SNX10: variants seen among roughly 807,000 people sequenced by gnomAD.
SNX10 encodes sorting nexin-10.
In SNX10, 25 loss-of-function variants were observed where a neutral mutation model predicts 28.5. That is an observed-to-expected ratio of 0.88 (90% CI 0.64 to 1.22). The LOEUF is 1.22. Among genes scored for constraint, SNX10 ranks in the 50% most tolerant of loss-of-function variants. The pLI is 0.00. For synonymous variants in SNX10, 62 were observed against 81.4 expected (o/e 0.76, Z 1.28); for missense variants, 223 against 242.6 (o/e 0.92, Z 0.54).
At chr7:26,353,912 C>A (rs1036613400) in intron 2 of SNX10, 6 of 152,134 alleles carry the variant, frequency 3.9e-5, no homozygotes, top group Non-Finnish European at 8.8e-5. Context: ...AGAAAAAGAA[C>A]AAACTGAGAC....
chr7:26,371,574 G>T (rs1789536352), intron 5 of SNX10, among the ~76,000 whole-genome samples: 1 of 152,204 alleles, frequency 6.6e-6, no homozygotes, highest in East Asian at 1.9e-4. Context: ...AAATGTCCTT[G>T]AAGTTATTCT....
intron 1 of SNX10, among the ~76,000 whole-genome samples, chr7:26,314,891 G>A (rs1422779414): frequency 2.6e-5 from 4 of 152,082 alleles, no homozygotes; most frequent in East Asian, 1.9e-4. Flanking sequence ...CCAGCTACTC[G>A]GGAGGCTGAG....
intron 1 of SNX10, among the ~76,000 whole-genome samples, chr7:26,313,547 G>A (rs1344209484): frequency 6.6e-6 from 1 of 152,192 alleles, no homozygotes; most frequent in Admixed American, 6.5e-5. Flanking sequence ...TGCCTTTAAA[G>A]GCTGCCTGTT....
intron 1 of SNX10, among the ~76,000 whole-genome samples, chr7:26,334,876 T>C (rs1462015160): frequency 6.6e-6 from 1 of 152,242 alleles, no homozygotes; most frequent in Non-Finnish European, 1.5e-5. Context: ...AATCTGGGAC[T>C]GAGGGAGACA....
chr7:26,311,804 A>G (rs1361361448), intron 1 of SNX10, among the ~76,000 whole-genome samples: 1 of 151,534 alleles, frequency 6.6e-6, no homozygotes, highest in Admixed American at 6.6e-5. Context: ...TTTGGAATAG[A>G]AAAGTTATTT....
At chr7:26,296,973 C>T (rs1421858631) in intron 1 of SNX10, among the ~76,000 whole-genome samples, 2 of 152,186 alleles carry the variant, frequency 1.3e-5, no homozygotes, top group African/African-American at 4.8e-5. Flanking sequence ...AATTGCCTCT[C>T]AATTTGGAAA....
intron 1 of SNX10, among the ~76,000 whole-genome samples, chr7:26,304,192 C>T (rs1365767068): frequency 6.6e-6 from 1 of 152,170 alleles, no homozygotes; most frequent in Non-Finnish European, 1.5e-5. Context: ...ACCCCAGCAC[C>T]GTCTCCTCCA....
intron 1 of SNX10, among the ~76,000 whole-genome samples, chr7:26,334,256 A>T (rs1787842995): frequency 1.3e-5 from 2 of 152,224 alleles, no homozygotes; most frequent in Non-Finnish European, 2.9e-5. Context: ...ATGTGTAATG[A>T]TCAGATCAGG....
At chr7:26,330,368 G>A (rs1374529626) in intron 1 of SNX10, among the ~76,000 whole-genome samples, 1 of 152,110 alleles carries the variant, frequency 6.6e-6, no homozygotes, top group Non-Finnish European at 1.5e-5. Context: ...TTATTGTCTG[G>A]AGATAACAGT....
chr7:26,299,201 A>C (rs1474924343), intron 1 of SNX10, among the ~76,000 whole-genome samples: 3 of 147,396 alleles, frequency 2.0e-5, no homozygotes, highest in Non-Finnish European at 3.0e-5. Context: ...GATTTCAGCA[A>C]TTTTTTTTTT....
At chr7:26,328,444 G>A (rs529689602) in intron 1 of SNX10, among the ~76,000 whole-genome samples, 2 of 152,190 alleles carry the variant, frequency 1.3e-5, no homozygotes, top group Non-Finnish European at 2.9e-5. Flanking sequence ...TGAAGAGACC[G>A]CTAGGAGGTG....
intron 1 of SNX10, among the ~76,000 whole-genome samples, chr7:26,300,756 T>C (rs1215668721): frequency 1.3e-5 from 2 of 152,176 alleles, no homozygotes; most frequent in Non-Finnish European, 2.9e-5. Flanking sequence ...ACCGTGTCTC[T>C]CACTGTAATC....
chr7:26,350,533 A>G (rs1386991976), intron 2 of SNX10, among the ~76,000 whole-genome samples: 3 of 152,192 alleles, frequency 2.0e-5, no homozygotes, highest in Non-Finnish European at 4.4e-5. Flanking sequence ...GGAACTGATG[A>G]ATACCTTTAA....
At chr7:26,292,338 T>G (rs1785956867) in intron 1 of SNX10, among the ~76,000 whole-genome samples, 1 of 152,128 alleles carries the variant, frequency 6.6e-6, no homozygotes, top group Admixed American at 6.5e-5. Flanking sequence ...CAGGGATTCT[T>G]GGCTAAAAAG....
intron 1 of SNX10, among the ~76,000 whole-genome samples, chr7:26,294,160 G>C (rs1786025397): frequency 6.6e-6 from 1 of 152,222 alleles, no homozygotes; most frequent in South Asian, 2.1e-4. Flanking sequence ...GCTCATGGTT[G>C]ACTCTGTGGG....
chr7:26,326,968 T>G (rs1185022222), intron 1 of SNX10, among the ~76,000 whole-genome samples: 4 of 124,864 alleles, frequency 3.2e-5, no homozygotes, highest in Admixed American at 7.8e-5. Flanking sequence ...TTTTTTTTTT[T>G]GAGACGGAGT....
chr7:26,312,791 A>T (rs1786901324), intron 1 of SNX10, among the ~76,000 whole-genome samples: 1 of 152,236 alleles, frequency 6.6e-6, no homozygotes, highest in Admixed American at 6.5e-5. Flanking sequence ...CTCAAAAAAA[A>T]GAAAATAGTG....
chr7:26,298,329 A>C (rs544391726), intron 1 of SNX10, among the ~76,000 whole-genome samples: 38 of 152,350 alleles, frequency 2.5e-4, no homozygotes, highest in Admixed American at 9.8e-4. Flanking sequence ...AATATGGGCA[A>C]AGGCTATTCA....
chr7:26,325,999 A>C (rs1787490501), intron 1 of SNX10, among the ~76,000 whole-genome samples: 1 of 152,126 alleles, frequency 6.6e-6, no homozygotes, highest in African/African-American at 2.4e-5. Flanking sequence ...AAGTGATGAG[A>C]TTGCAGGCAT....
Sources: allele counts gnomAD v4.1 joint callset (sites outside exome capture counted in the v4.1 genomes callset), GRCh38; gene constraint gnomAD v4.1.1; transcripts MANE v1.5; gene names NCBI Gene and HGNC (gene_info 2026-07-23, HGNC 2026-07-21).